The following HPSE2 variants were observed in gnomAD, a reference collection of about 807,000 sequenced individuals.
HPSE2 encodes the protein inactive heparanase-2.
A neutral mutation model predicts 60.5 loss-of-function variants in HPSE2; 38 were observed. The observed-to-expected ratio is 0.63, with a 90% CI of 0.48 to 0.82. The LOEUF is 0.82. Ranked by LOEUF, HPSE2 falls within the 40% of genes least tolerant of loss-of-function variation. The probability of loss-of-function intolerance (pLI) is 0.00; values close to 1 mark genes in which losing one functional copy is unlikely to be tolerated. For missense variants in HPSE2, 713 were observed against 740.4 expected, an observed-to-expected ratio of 0.96 and a Z score of 0.43; for synonymous variants, 295 against 293.2, an observed-to-expected ratio of 1.01 and a Z score of -0.06.
At chr10:98,997,748 A>G (rs1956682559) in intron 3 of HPSE2, among the ~76,000 whole-genome samples, 1 of 152,266 alleles carries the variant, frequency 6.6e-6, no homozygotes, top group Non-Finnish European at 1.5e-5. Context: ...AAGTGCAGCC[A>G]CATCTGGCCT....
intron 3 of HPSE2, among the ~76,000 whole-genome samples, chr10:99,140,358 C>T (rs998538499): frequency 2.6e-5 from 4 of 152,192 alleles, no homozygotes; most frequent in African/African-American, 9.7e-5. Context: ...TAGAAAGTGT[C>T]TTGTGTAATG....
chr10:99,019,367 T>C (rs369860638), intron 3 of HPSE2, among the ~76,000 whole-genome samples: 3 of 152,292 alleles, frequency 2.0e-5, no homozygotes, highest in Admixed American at 6.5e-5. Context: ...TCTCACTATA[T>C]GGGAGTTAAT....
chr10:99,034,794 C>T (rs530027558), intron 3 of HPSE2, among the ~76,000 whole-genome samples: 1 of 152,246 alleles, frequency 6.6e-6, no homozygotes, highest in South Asian at 2.1e-4. Flanking sequence ...AGGCTACAAA[C>T]CTGAACAGCA....
chr10:99,196,437 A>T (rs1589807709), intron 2 of HPSE2, among the ~76,000 whole-genome samples: 1 of 152,184 alleles, frequency 6.6e-6, no homozygotes, highest in Non-Finnish European at 1.5e-5. Flanking sequence ...AGAATGGTAG[A>T]AAACATTTAC....
chr10:98,930,251 C>T (rs545858364), intron 3 of HPSE2, among the ~76,000 whole-genome samples: 1 of 143,698 alleles, frequency 7.0e-6, no homozygotes, highest in African/African-American at 2.8e-5. Flanking sequence ...TTTTCTGTTC[C>T]TGTGTTAGTC....
chr10:99,196,376 A>G (rs1466566343), intron 2 of HPSE2, among the ~76,000 whole-genome samples: 1 of 152,132 alleles, frequency 6.6e-6, no homozygotes, highest in Non-Finnish European at 1.5e-5. Flanking sequence ...TCAAGTTAAA[A>G]AGCTTCTGCA....
At position 98,673,405 on chromosome 10, in the gene HPSE2, G is replaced by A. The variant is rs561225041; in HGVS notation, c.1004+20495C>T. ...AAGACATTCCCTGTCTCATACGCCAGATTGTTCATCTCCTCAGGCCATGGT... is the reference window on the plus strand; with the variant it reads ...AAGACATTCCCTGTCTCATACGCCAAATTGTTCATCTCCTCAGGCCATGGT... On this transcript the variant is annotated intron_variant, in intron 6 of 11. Coordinates refer to ENST00000370552, the MANE Select transcript of HPSE2 (RefSeq NM_021828.5). 2.6e-5 allele frequency among the ~76,000 whole-genome samples: 4 copies of A among 152,290 alleles called. No homozygotes were observed. The South Asian group carries it at 8.3e-4, about 32-fold the overall frequency.
At chr10:98,567,518 A>G (rs1944380244) in intron 9 of HPSE2, among the ~76,000 whole-genome samples, 1 of 152,154 alleles carries the variant, frequency 6.6e-6, no homozygotes, top group South Asian at 2.1e-4. Context: ...AGCCTGCTCT[A>G]TCCTGTCACC....
chr10:99,033,706 C>A (rs934818714), intron 3 of HPSE2, among the ~76,000 whole-genome samples: 7 of 151,976 alleles, frequency 4.6e-5, no homozygotes, highest in African/African-American at 1.7e-4. Context: ...TAGCGTGAAC[C>A]CAGGAGGTGA....
chr10:98,510,617 G>A (rs2133740769), intron 9 of HPSE2, among the ~76,000 whole-genome samples: 1 of 152,284 alleles, frequency 6.6e-6, no homozygotes, highest in Non-Finnish European at 1.5e-5. Flanking sequence ...GGTGAGAAGG[G>A]GAAACTGCGT....
chr10:98,762,891 T>C (rs1204791086), intron 3 of HPSE2, among the ~76,000 whole-genome samples: 1 of 152,114 alleles, frequency 6.6e-6, no homozygotes, highest in Non-Finnish European at 1.5e-5. Flanking sequence ...CATTGTATTA[T>C]CAAATAATAA....
At chr10:98,579,358 C>T (rs1944728809) in intron 9 of HPSE2, among the ~76,000 whole-genome samples, 1 of 152,170 alleles carries the variant, frequency 6.6e-6, no homozygotes, top group South Asian at 2.1e-4. Context: ...GGGAAACAGT[C>T]CTATGGCCAG....
intron 9 of HPSE2, among the ~76,000 whole-genome samples, chr10:98,529,450 C>G (rs1471492123): frequency 6.6e-6 from 1 of 152,146 alleles, no homozygotes; most frequent in Non-Finnish European, 1.5e-5. Flanking sequence ...CATCCATCTT[C>G]TCCATTTTTG....
At chr10:98,778,345 T>C (rs1950392953) in intron 3 of HPSE2, among the ~76,000 whole-genome samples, 1 of 149,630 alleles carries the variant, frequency 6.7e-6, no homozygotes, top group African/African-American at 2.5e-5. Context: ...ATCTAGGGTA[T>C]TACCCAACTA....
intron 3 of HPSE2, among the ~76,000 whole-genome samples, chr10:98,746,257 T>A (rs35789679): frequency 0.15 from 7,721 of 50,196 alleles, 275 homozygotes; most frequent in Non-Finnish European, 0.26. Context: ...AATGCATTTA[T>A]AGCTTAGTAA....
At chr10:98,656,117 T>C (rs1335800743) in intron 6 of HPSE2, among the ~76,000 whole-genome samples, 2 of 151,998 alleles carry the variant, frequency 1.3e-5, no homozygotes, top group Non-Finnish European at 2.9e-5. Context: ...GACAGAGTCT[T>C]GCTCTGTTGC....
intron 11 of HPSE2, among the ~76,000 whole-genome samples, chr10:98,460,448 G>A (rs959525696): frequency 1.3e-5 from 2 of 151,986 alleles, no homozygotes; most frequent in Non-Finnish European, 2.9e-5. Flanking sequence ...GCAACATAGC[G>A]AGACCCCATT....
At chr10:98,468,347 C>T (rs1296767459) in intron 11 of HPSE2, among the ~76,000 whole-genome samples, 5 of 152,260 alleles carry the variant, frequency 3.3e-5, no homozygotes, top group South Asian at 2.1e-4. Flanking sequence ...GCTCTAAGAC[C>T]GTCATGACCC....
At chr10:99,287,189 G>A in the HPSE2 span, among the ~76,000 whole-genome samples, 1 of 152,090 alleles carries the variant, frequency 6.6e-6, no homozygotes, top group Non-Finnish European at 1.5e-5. Context: ...AAAAGCAAAT[G>A]CCAAGAAGGA....
Sources: gnomAD v4.1 joint callset for allele counts (sites outside exome capture counted in the v4.1 genomes callset) on GRCh38, gnomAD v4.1.1 for gene constraint, MANE v1.5 for transcripts, NCBI Gene and HGNC (gene_info 2026-07-23, HGNC 2026-07-21) for gene names.